KIAA0040: variants seen among roughly 807,000 people sequenced by gnomAD.
KIAA0040 encodes KIAA0040, also known as uncharacterized protein KIAA0040.
A neutral mutation model predicts 7.2 loss-of-function variants in KIAA0040; 10 were observed. The observed-to-expected ratio is 1.38, with a 90% CI of 0.85 to 2.34. KIAA0040 has a LOEUF of 2.34. KIAA0040 is among the 30% of genes most tolerant of loss of function. The pLI, the probability that KIAA0040 is intolerant of heterozygous loss-of-function variation, is 0.00. For missense variants in KIAA0040, 89 were observed against 108.2 expected (o/e 0.82, Z 0.79); for synonymous variants, 49 against 40.1 (o/e 1.22, Z -0.84).
chr1:175,185,165 T>G (rs1414342649), intron 1 of KIAA0040, among the ~76,000 whole-genome samples: 2 of 152,156 alleles, frequency 1.3e-5, no homozygotes, highest in Admixed American at 6.5e-5. Flanking sequence ...GAACTGGTAA[T>G]TCCAGTATAA....
In KIAA0040 at chr1:175,189,406, G is replaced by A. The variant is rs141560694; in HGVS notation, c.-384+3234C>T. ...GTGGGGTGGGTCTAAGGCCTAGCAG[G>A]TGGAATATTGGTGCTTTCAGCTCCA... is the stretch of plus-strand genomic sequence containing the variant. On this transcript the variant is annotated intron_variant, in intron 1 of 3. Coordinates refer to ENST00000423313, the MANE Select transcript of KIAA0040 (RefSeq NM_014656.3). Among the ~76,000 whole-genome samples, 170 of 152,328 alleles carry A rather than the reference G, an allele frequency of 1.1e-3. 1 individual carries two copies. The highest frequency in any genetic ancestry group is 3.3e-3 in the African/African-American group (139 of 41,582).
Position 175,160,569 on chromosome 1 carries a change from C to T in KIAA0040, c.*145G>A. On this transcript the variant is annotated 3_prime_UTR_variant, in exon 4 of 4. Transcript: ENST00000423313. ...TCCCTGGGACTGCCCTCCACTGGGACACTTAGTCTGAGGTTTGTTCCTTGG... is the reference window on the plus strand; with the variant it reads ...TCCCTGGGACTGCCCTCCACTGGGATACTTAGTCTGAGGTTTGTTCCTTGG... 1 of 793,476 alleles carries T rather than the reference C, an allele frequency of 1.3e-6. No homozygotes were observed. Among genetic ancestry groups the T allele is most frequent in the Admixed American group, 3.0e-5 (1 of 33,726 alleles). 49.2% of individuals were successfully genotyped at this position (793,476 alleles called of 1,614,324 possible).
At chr1:175,166,317 G>C (rs1380049957) in intron 3 of KIAA0040, among the ~76,000 whole-genome samples, 1 of 152,204 alleles carries the variant, frequency 6.6e-6, no homozygotes, top group East Asian at 1.9e-4. Flanking sequence ...GCTACGAAGA[G>C]TCATTTAAGG....
chr1:175,165,479 C>A (rs1231424434), intron 3 of KIAA0040, among the ~76,000 whole-genome samples: 1 of 152,218 alleles, frequency 6.6e-6, no homozygotes, highest in Non-Finnish European at 1.5e-5. Context: ...CACCTCCAAG[C>A]CAATCCCTAT....
At chr1:175,190,560 C>T (rs1677829674) in intron 1 of KIAA0040, among the ~76,000 whole-genome samples, 1 of 152,176 alleles carries the variant, frequency 6.6e-6, no homozygotes, top group South Asian at 2.1e-4. Flanking sequence ...TACAAGGTAC[C>T]TTCCCCTGCC....
intron 2 of KIAA0040, among the ~76,000 whole-genome samples, chr1:175,169,618 T>C (rs1676906055): frequency 6.6e-6 from 1 of 152,220 alleles, no homozygotes; most frequent in South Asian, 2.1e-4. Context: ...GTCATGACTT[T>C]GATTATGTAG....
At chr1:175,182,112 A>G (rs1677463725) in intron 1 of KIAA0040, among the ~76,000 whole-genome samples, 2 of 152,130 alleles carry the variant, frequency 1.3e-5, no homozygotes. Context: ...ACATCATAAC[A>G]TGTTATGACT....
intron 1 of KIAA0040, among the ~76,000 whole-genome samples, chr1:175,180,382 T>C (rs1262196151): frequency 1.3e-5 from 2 of 152,234 alleles, no homozygotes; most frequent in Non-Finnish European, 2.9e-5. Context: ...AAATGACTCA[T>C]CTAAGGTCTC....
rs1249225248 is a variant in KIAA0040 at position 175,157,306 on chromosome 1, C to T, written c.*3408G>A. ...ATCAGTATATTTTTCCTGTAGCTGG[C>T]ACCTTTGAGGGAGTCTGGTCTCCAA... is the stretch of plus-strand genomic sequence containing the variant. On this transcript the variant is annotated 3_prime_UTR_variant, in exon 4 of 4. Coordinates refer to ENST00000423313, the MANE Select transcript of KIAA0040 (RefSeq NM_014656.3). 2 of 152,192 alleles carry T rather than the reference C, an allele frequency of 1.3e-5. No homozygotes were observed. Among genetic ancestry groups the T allele is most frequent in the Non-Finnish European group, 2.9e-5 (2 of 68,044 alleles). 9.4% of individuals were successfully genotyped at this position (152,192 alleles called of 1,614,324 possible). A position where few individuals can be genotyped will look rare whatever the true frequency, so the allele number is the denominator to read the frequency against.
At chr1:175,180,947 C>A (rs1164772025) in intron 1 of KIAA0040, among the ~76,000 whole-genome samples, 2 of 152,204 alleles carry the variant, frequency 1.3e-5, no homozygotes, top group Non-Finnish European at 2.9e-5. Flanking sequence ...TGGGCGCAGG[C>A]AATCCTCCTG....
chr1:175,188,248 T>C (rs894986385), intron 1 of KIAA0040, among the ~76,000 whole-genome samples: 1 of 152,166 alleles, frequency 6.6e-6, no homozygotes, highest in African/African-American at 2.4e-5. Flanking sequence ...TGTGTGAGGT[T>C]CGTTTTGGAA....
chr1:175,183,091 G>T (rs775032230), intron 1 of KIAA0040, among the ~76,000 whole-genome samples: 7 of 152,202 alleles, frequency 4.6e-5, no homozygotes, highest in Non-Finnish European at 8.8e-5. Context: ...TAGCCCAGGG[G>T]CCATTTTCTG....
intron 1 of KIAA0040, among the ~76,000 whole-genome samples, chr1:175,185,793 C>T (rs1198093682): frequency 6.6e-6 from 1 of 152,140 alleles, no homozygotes; most frequent in African/African-American, 2.4e-5. Context: ...ACACAGATGT[C>T]GGTCAACGAA....
At chr1:175,181,177 T>C (rs186386074) in intron 1 of KIAA0040, among the ~76,000 whole-genome samples, 1 of 151,676 alleles carries the variant, frequency 6.6e-6, no homozygotes, top group African/African-American at 2.4e-5. Flanking sequence ...ATTGATATGA[T>C]TTTATTTGGT....
At chr1:175,161,367 T>C (rs973532162) in intron 3 of KIAA0040, among the ~76,000 whole-genome samples, 1 of 152,212 alleles carries the variant, frequency 6.6e-6, no homozygotes, top group African/African-American at 2.4e-5. Context: ...GCTTAGGATA[T>C]AAAAATGAAT....
rs58772524 is a variant in KIAA0040 at position 175,164,071 on chromosome 1, G to A, written c.-134+2491C>T. Among the ~76,000 whole-genome samples the A allele has an allele frequency of 6.2e-4, 95 of 152,308 alleles. No individual in the cohort carries two copies. The East Asian group carries it at 0.011, about 17-fold the overall frequency. ...CTGGAGCTCAGGGTGGGAGAAGAGA[G>A]GATGAGAAGGGACACTAGGAGGTAG... On this transcript the variant is annotated intron_variant, in intron 3 of 3. Coordinates refer to ENST00000423313, the MANE Select transcript of KIAA0040 (RefSeq NM_014656.3).
intron 1 of KIAA0040, among the ~76,000 whole-genome samples, chr1:175,186,903 G>T (rs1033209861): frequency 6.6e-6 from 1 of 152,172 alleles, no homozygotes; most frequent in Non-Finnish European, 1.5e-5. Flanking sequence ...AATGATGTGG[G>T]TCACCCATGT....
chr1:175,163,876 C>T (rs2285216), intron 3 of KIAA0040, among the ~76,000 whole-genome samples: 86,047 of 152,010 alleles, frequency 0.57, 24,822 homozygotes, highest in East Asian at 0.86. Flanking sequence ...GGAAGGAGGG[C>T]GAGCTCATGG....
In KIAA0040 at chr1:175,158,458, C is replaced by G. The variant is rs1017569457; in HGVS notation, c.*2256G>C. 6.6e-6 allele frequency: 1 copy of G among 152,150 alleles called. No homozygotes were observed. Among genetic ancestry groups the G allele is most frequent in the African/African-American group, 2.4e-5 (1 of 41,408 alleles). The allele number at this position is 152,150 out of a possible 1,614,324, so 9.4% of individuals were successfully genotyped here. A position where few individuals can be genotyped will look rare whatever the true frequency, so the allele number is the denominator to read the frequency against. On this transcript the variant is annotated 3_prime_UTR_variant, in exon 4 of 4. Transcript: ENST00000423313. Reference sequence around the variant, plus strand: ...TATGGTCCCGGATCCCGGTGATCCGCCCTCCTAGATCATATCTGACACTAC... The same window carrying G: ...TATGGTCCCGGATCCCGGTGATCCGGCCTCCTAGATCATATCTGACACTAC...
Sources: gnomAD v4.1 joint callset for allele counts (sites outside exome capture counted in the v4.1 genomes callset) on GRCh38, gnomAD v4.1.1 for gene constraint, MANE v1.5 for transcripts, NCBI Gene and HGNC (gene_info 2026-07-23, HGNC 2026-07-21) for gene names.